NTRK3: variants seen among roughly 807,000 people sequenced by gnomAD.
NTRK3 encodes the protein NT-3 growth factor receptor.
A neutral mutation model predicts 91.7 loss-of-function variants in NTRK3; 24 were observed. The observed-to-expected ratio is 0.26, with a 90% confidence interval of 0.19 to 0.37. The LOEUF (loss-of-function observed/expected upper bound fraction) is 0.37. Among genes scored for constraint, NTRK3 ranks in the 10% least tolerant of loss-of-function variants. NTRK3 has a pLI of 1.00. For synonymous variants in NTRK3, 483 were observed against 404.0 expected (o/e 1.20, Z -2.34); for missense variants, 880 against 1,068.9 (o/e 0.82, Z 2.46).
intron 14 of NTRK3, among the ~76,000 whole-genome samples, chr15:88,000,517 T>C (rs2076027762): frequency 6.6e-6 from 1 of 152,196 alleles, no homozygotes; most frequent in Non-Finnish European, 1.5e-5. Flanking sequence ...CATCACCCTG[T>C]GTGCCTCTGA....
At chr15:87,992,412 C>G (rs1157601837) in intron 14 of NTRK3, among the ~76,000 whole-genome samples, 1 of 152,226 alleles carries the variant, frequency 6.6e-6, no homozygotes, top group East Asian at 1.9e-4. Flanking sequence ...ACCCCCAGCT[C>G]AGACTCCACT....
At chr15:88,060,163 T>G (rs993839298) in intron 13 of NTRK3, among the ~76,000 whole-genome samples, 2 of 152,000 alleles carry the variant, frequency 1.3e-5, no homozygotes, top group African/African-American at 4.8e-5. Flanking sequence ...GGAAGATTAC[T>G]TGAGGTCAGG....
At chr15:88,031,289 T>C (rs928805404) in intron 14 of NTRK3, among the ~76,000 whole-genome samples, 1 of 152,138 alleles carries the variant, frequency 6.6e-6, no homozygotes, top group Admixed American at 6.5e-5. Flanking sequence ...ATACAGATAA[T>C]GAGAACCAAC....
intron 14 of NTRK3, among the ~76,000 whole-genome samples, chr15:88,017,729 A>G (rs2077337798): frequency 6.6e-6 from 1 of 152,256 alleles, no homozygotes; most frequent in Middle Eastern, 3.4e-3. Flanking sequence ...TCCCAGGCAC[A>G]GGCTCCCTGT....
At chr15:87,863,276 T>G (rs934844157) in exon 19 of NTRK3, 2 of 226,090 alleles carry the variant, frequency 8.8e-6, no homozygotes, top group Non-Finnish European at 1.8e-5. Flanking sequence ...AAGTTGAGGC[T>G]CCGGTAGATA....
intron 17 of NTRK3, among the ~76,000 whole-genome samples, chr15:87,925,334 T>G (rs539275340): frequency 1.3e-5 from 2 of 152,034 alleles, no homozygotes; most frequent in East Asian, 3.9e-4. Flanking sequence ...TTTTAACAAA[T>G]TAAAAATGAA....
At chr15:88,132,431 A>T (rs978184802) in intron 10 of NTRK3, among the ~76,000 whole-genome samples, 1 of 152,184 alleles carries the variant, frequency 6.6e-6, no homozygotes, top group African/African-American at 2.4e-5. Context: ...ATTGTCCTCC[A>T]TCTAGTACTG....
intron 13 of NTRK3, among the ~76,000 whole-genome samples, chr15:88,053,572 G>T (rs1377264294): frequency 6.6e-6 from 1 of 152,158 alleles, no homozygotes; most frequent in Non-Finnish European, 1.5e-5. Flanking sequence ...TATGGGCTAT[G>T]GTGGGAGACC....
chr15:88,203,072 G>A (rs8039812), intron 3 of NTRK3, among the ~76,000 whole-genome samples: 7,879 of 152,192 alleles, frequency 0.052, 598 homozygotes, highest in African/African-American at 0.17. Flanking sequence ...CCAAGTGTCT[G>A]CAGGGCTTAA....
chr15:88,113,377 G>A (rs928632313), intron 13 of NTRK3, among the ~76,000 whole-genome samples: 15 of 140,240 alleles, frequency 1.1e-4, no homozygotes, highest in Non-Finnish European at 9.6e-5. Context: ...GTGCAGTGGC[G>A]TGATCTTGGC....
chr15:88,051,970 T>C (rs768504031), intron 13 of NTRK3, among the ~76,000 whole-genome samples: 1 of 152,196 alleles, frequency 6.6e-6, no homozygotes, highest in Non-Finnish European at 1.5e-5. Context: ...CTTTATTAGA[T>C]GTAGAGAAGA....
chr15:88,185,935 G>A (rs1297563208), intron 3 of NTRK3, among the ~76,000 whole-genome samples: 9 of 152,220 alleles, frequency 5.9e-5, no homozygotes, highest in Admixed American at 5.9e-4. Context: ...GGCATCTGCT[G>A]GGGACATGGA....
chr15:88,235,965 C>G lies in NTRK3; in HGVS notation c.248+19941G>C, dbSNP rs2051684779. ...TTCGATGAGTCACATAAATGTGTCT[C>G]TCCTAACCCAGATTAATCAAAAACA... On this transcript the variant is annotated intron_variant, in intron 3 of 18. Coordinates refer to ENST00000394480, the Ensembl canonical transcript of NTRK3. This position sits in a 1 kb window ranked among gnomAD's most constrained non-coding sequence, Gnocchi z 5.2. 6.6e-6 allele frequency among the ~76,000 whole-genome samples: 1 copy of G among 152,212 alleles called. No homozygotes were observed. Among genetic ancestry groups the G allele is most frequent in the Non-Finnish European group, 1.5e-5 (1 of 68,042 alleles).
In NTRK3 at chr15:88,235,692, T is replaced by TA. The variant is rs2051652288; in HGVS notation, c.248+20213dup. Among the ~76,000 whole-genome samples the TA allele has an allele frequency of 1.3e-5, 2 of 152,130 alleles. No homozygotes were observed. Among genetic ancestry groups the TA allele is most frequent in the Admixed American group, 6.5e-5 (1 of 15,274 alleles). On this transcript the variant is annotated intron_variant, in intron 3 of 18. Coordinates refer to ENST00000394480, the Ensembl canonical transcript of NTRK3. This position sits in a 1 kb window ranked among gnomAD's most constrained non-coding sequence, Gnocchi z 5.2. The stretch of plus-strand genomic sequence containing the variant: ...GAAGAAGGGAGCTCTGAGAGGACCC[T>TA]AGGGGGATGTCCTTGGGCTGAGGAC...
At chr15:88,052,882 T>A (rs2045352205) in intron 13 of NTRK3, among the ~76,000 whole-genome samples, 1 of 152,072 alleles carries the variant, frequency 6.6e-6, no homozygotes, top group African/African-American at 2.4e-5. Flanking sequence ...ATTAAGAGAA[T>A]TTGGGCCCAA....
At chr15:87,922,235 C>T (rs1362591857) in intron 17 of NTRK3, among the ~76,000 whole-genome samples, 5 of 152,192 alleles carry the variant, frequency 3.3e-5, no homozygotes, top group Admixed American at 2.0e-4. Context: ...GAGTTTCTCC[C>T]GACTTGAAGG....
At chr15:88,173,843 T>A (rs1417929251) in intron 5 of NTRK3, among the ~76,000 whole-genome samples, 2 of 152,260 alleles carry the variant, frequency 1.3e-5, no homozygotes, top group Non-Finnish European at 2.9e-5. Flanking sequence ...AACCTGGAGT[T>A]GGTTTCTGGC....
At chr15:88,007,694 C>T (rs1320215761) in intron 14 of NTRK3, among the ~76,000 whole-genome samples, 2 of 152,186 alleles carry the variant, frequency 1.3e-5, no homozygotes, top group Non-Finnish European at 2.9e-5. Context: ...AATTCTACCA[C>T]CAGAGATGTG....
At chr15:88,064,499 C>T (rs1314493233) in intron 13 of NTRK3, among the ~76,000 whole-genome samples, 1 of 152,140 alleles carries the variant, frequency 6.6e-6, no homozygotes, top group Non-Finnish European at 1.5e-5. Context: ...CTCCCACAGC[C>T]TCATCAAGTA....
Sources: allele counts gnomAD v4.1 joint callset (sites outside exome capture counted in the v4.1 genomes callset), GRCh38; gene constraint gnomAD v4.1.1; non-coding constraint Gnocchi (gnomAD v3.1); transcripts MANE v1.5; gene names NCBI Gene and HGNC (gene_info 2026-07-23, HGNC 2026-07-21).